Variants in PCP4 observed in about 807,000 individuals in gnomAD.
PCP4 encodes the protein calmodulin regulator protein PCP4.
In PCP4, 8 loss-of-function variants were observed where a neutral mutation model predicts 10.0. The ratio of observed to expected loss-of-function variants is 0.80; its 90% CI spans 0.47 to 1.45. The LOEUF (loss-of-function observed/expected upper bound fraction) is 1.45, where lower values mean the gene tolerates loss of function less well. Among genes scored for constraint, PCP4 ranks in the 40% most tolerant of loss-of-function variants. The pLI, the probability that PCP4 is intolerant of heterozygous loss-of-function variation, is 0.00. For synonymous variants in PCP4, 21 were observed against 23.0 expected (o/e 0.91, Z 0.24); for missense variants, 54 against 74.4 (o/e 0.73, Z 1.01).
At chr21:39,879,629 C>T (rs1388694755) in intron 1 of PCP4, among the ~76,000 whole-genome samples, 1 of 152,118 alleles carries the variant, frequency 6.6e-6, no homozygotes. Flanking sequence ...TCCTTAATGC[C>T]CCCATTAGTA....
At chr21:39,919,237 G>C (rs2087583265) in intron 2 of PCP4, among the ~76,000 whole-genome samples, 1 of 152,202 alleles carries the variant, frequency 6.6e-6, no homozygotes, top group Admixed American at 6.5e-5. Context: ...TCCCAGCTAA[G>C]AGGGCCCCAG....
At chr21:39,913,393 T>A (rs945280469) in intron 2 of PCP4, among the ~76,000 whole-genome samples, 1 of 152,180 alleles carries the variant, frequency 6.6e-6, no homozygotes, top group Non-Finnish European at 1.5e-5. Context: ...TCAGCACCCA[T>A]CTTTGTTTAG....
At chr21:39,889,850 C>G (rs1173445469) in intron 1 of PCP4, among the ~76,000 whole-genome samples, 1 of 152,196 alleles carries the variant, frequency 6.6e-6, no homozygotes, top group Non-Finnish European at 1.5e-5. Context: ...ATTTCATACT[C>G]TTCAATCTCT....
intron 1 of PCP4, among the ~76,000 whole-genome samples, chr21:39,892,202 A>G (rs542362881): frequency 2.0e-5 from 3 of 152,326 alleles, no homozygotes; most frequent in South Asian, 2.1e-4. Context: ...ACTTCTCACA[A>G]TGTCCCTTCA....
intron 2 of PCP4, among the ~76,000 whole-genome samples, chr21:39,900,339 T>A (rs2087477159): frequency 6.6e-6 from 1 of 152,114 alleles, no homozygotes; most frequent in African/African-American, 2.4e-5. Flanking sequence ...CCAGCCAACA[T>A]TTTTGTTCTC....
intron 1 of PCP4, among the ~76,000 whole-genome samples, chr21:39,883,056 T>G (rs1280127439): frequency 6.6e-6 from 1 of 152,218 alleles, no homozygotes; most frequent in East Asian, 1.9e-4. Flanking sequence ...CCAGCAGCCT[T>G]TATTCTGAGA....
chr21:39,929,144 A>G lies in PCP4; in HGVS notation c.*33A>G. On this transcript the variant is annotated 3_prime_UTR_variant, in exon 3 of 3. Coordinates refer to ENST00000328619, the MANE Select transcript of PCP4 (RefSeq NM_006198.3). ...ACCCCCTCCTAGTCCACCTGAAAAC[A>G]CCAAATTCAACCATCATCTGTCAAG... 1 of 1,583,818 alleles carries G rather than the reference A, an allele frequency of 6.3e-7. No homozygotes were observed. Among genetic ancestry groups the G allele is most frequent in the Non-Finnish European group, 8.6e-7 (1 of 1,163,582 alleles).
At chr21:39,903,824 T>C (rs1458194855) in intron 2 of PCP4, among the ~76,000 whole-genome samples, 4 of 138,838 alleles carry the variant, frequency 2.9e-5, no homozygotes, top group South Asian at 2.3e-4. Context: ...GCCGAGATTG[T>C]GCCACTGCAA....
At chr21:39,910,060 C>A (rs1322542392) in intron 2 of PCP4, among the ~76,000 whole-genome samples, 3 of 152,078 alleles carry the variant, frequency 2.0e-5, no homozygotes, top group Non-Finnish European at 4.4e-5. Flanking sequence ...CCTCCCAAGC[C>A]TTCTTCAATA....
At chr21:39,868,350 CAGAT>C (rs1742830128) in intron 1 of PCP4, among the ~76,000 whole-genome samples, 1 of 152,138 alleles carries the variant, frequency 6.6e-6, no homozygotes, top group Non-Finnish European at 1.5e-5. Context: ...CTCTTTTTGA[CAGAT>C]GGATGATTCT....
At chr21:39,893,724 T>G (rs1421292328) in intron 1 of PCP4, among the ~76,000 whole-genome samples, 1 of 152,250 alleles carries the variant, frequency 6.6e-6, no homozygotes, top group African/African-American at 2.4e-5. Context: ...GAGGGAAATA[T>G]GTCTTTTGTT....
At chr21:39,869,316 C>T (rs113627024) in intron 1 of PCP4, among the ~76,000 whole-genome samples, 5 of 152,148 alleles carry the variant, frequency 3.3e-5, no homozygotes, top group Admixed American at 2.6e-4. Context: ...GGAGAAAGCG[C>T]GTGTTCCAGA....
intron 2 of PCP4, 112 bp from the exon 3 acceptor site, chr21:39,928,872 C>A: frequency 3.0e-6 from 3 of 1,000,702 alleles, no homozygotes; most frequent in East Asian, 2.5e-5. Context: ...GTAAGTTAAG[C>A]CCCTGTGTGT....
chr21:39,927,259 G>A (rs1261156077), intron 2 of PCP4, among the ~76,000 whole-genome samples: 1 of 151,694 alleles, frequency 6.6e-6, no homozygotes, highest in Non-Finnish European at 1.5e-5. Context: ...ATCTACTTAT[G>A]TTTGTCTGTC....
chr21:39,887,778 A>C (rs376262895), intron 1 of PCP4, among the ~76,000 whole-genome samples: 1 of 152,206 alleles, frequency 6.6e-6, no homozygotes, highest in Non-Finnish European at 1.5e-5. Flanking sequence ...TCAAAATAAC[A>C]TTACATATAA....
chr21:39,875,568 G>C (rs931230159), intron 1 of PCP4, among the ~76,000 whole-genome samples: 1 of 152,206 alleles, frequency 6.6e-6, no homozygotes, highest in Admixed American at 6.5e-5. Flanking sequence ...GTGACTTGAC[G>C]TGATTTTATC....
intron 1 of PCP4, among the ~76,000 whole-genome samples, chr21:39,896,774 T>C (rs1019849367): frequency 1.3e-5 from 2 of 152,296 alleles, no homozygotes; most frequent in Middle Eastern, 6.8e-3. Flanking sequence ...TAATTAAGGG[T>C]TGACAAATGA....
chr21:39,909,287 T>C (rs1233924638), intron 2 of PCP4, among the ~76,000 whole-genome samples: 1 of 152,246 alleles, frequency 6.6e-6, no homozygotes, highest in Non-Finnish European at 1.5e-5. Flanking sequence ...GGGCAGATCC[T>C]GTATCTGCTC....
At chr21:39,924,814 C>G (rs1383282331) in intron 2 of PCP4, among the ~76,000 whole-genome samples, 1 of 152,228 alleles carries the variant, frequency 6.6e-6, no homozygotes, top group African/African-American at 2.4e-5. Flanking sequence ...AGATTACCGG[C>G]ATGAGCCACC....
Sources: allele counts gnomAD v4.1 joint callset (sites outside exome capture counted in the v4.1 genomes callset), GRCh38; gene constraint gnomAD v4.1.1; transcripts MANE v1.5; gene names NCBI Gene and HGNC (gene_info 2026-07-23, HGNC 2026-07-21).